RGS22: variants seen among roughly 807,000 people sequenced by gnomAD.
RGS22 encodes regulator of G protein signaling 22.
RGS22 carries 148 observed loss-of-function variants against 172.9 expected under a neutral mutation model. That is an observed-to-expected ratio of 0.86 (90% CI 0.75 to 0.98). The LOEUF is 0.98. RGS22 is among the 50% of genes least tolerant of loss of function. The probability of loss-of-function intolerance (pLI) is 0.00; values close to 1 mark genes in which losing one functional copy is unlikely to be tolerated. For missense variants in RGS22, 1,347 were observed against 1,440.8 expected (o/e 0.93, Z 1.05); for synonymous variants, 458 against 480.2 (o/e 0.95, Z 0.60).
intron 23 of RGS22, among the ~76,000 whole-genome samples, chr8:99,969,556 C>CAA (rs1204332291): frequency 6.8e-6 from 1 of 148,028 alleles, no homozygotes; most frequent in South Asian, 2.1e-4. Context: ...AAATGGAAAG[C>CAA]AAAAAAAAAG....
chr8:100,082,310 T>C (rs1363708056), intron 3 of RGS22, among the ~76,000 whole-genome samples: 1 of 152,172 alleles, frequency 6.6e-6, no homozygotes, highest in Non-Finnish European at 1.5e-5. Context: ...GGCATACAGA[T>C]AATTTTGTCA....
At chr8:100,013,950 A>T (rs1816686339) in intron 14 of RGS22, among the ~76,000 whole-genome samples, 2 of 152,212 alleles carry the variant, frequency 1.3e-5, no homozygotes, top group African/African-American at 4.8e-5. Context: ...AAAAAAACTT[A>T]GCTGCAATCA....
intron 13 of RGS22, 23 bp from the exon 14 acceptor site, chr8:100,039,055 A>G (rs1434794949): frequency 6.8e-6 from 9 of 1,328,316 alleles, no homozygotes; most frequent in Non-Finnish European, 9.6e-6. Flanking sequence ...AAAGTACATA[A>G]ATTATTACCA....
intron 2 of RGS22, among the ~76,000 whole-genome samples, chr8:100,103,291 T>G (rs1813647501): frequency 6.6e-6 from 1 of 152,166 alleles, no homozygotes. Flanking sequence ...TCAGTTAGGA[T>G]TACTACCAAA....
At position 99,996,503 on chromosome 8, in the gene RGS22, G is replaced by A. The variant is rs1226232639; in HGVS notation, c.2977C>T (p.Leu993Phe). ...TTCTTTTCAGCCTTCTGTAGTAAGA[G>A]CTCTTCTGCTATGTCTTTCATCTGT... ...KVQMKDIAEE[L>F]LLQKAEKKIG... The change falls in exon 20 of 28, where the codon CTC becomes TTC. Residue 993 changes from leucine (L) to phenylalanine (F), a missense_variant. Physicochemically the swap from Leu to Phe is conservative, Grantham distance 22 (BLOSUM62 0). Transcript: ENST00000360863. 9.9e-6 allele frequency: 16 copies of A among 1,613,294 alleles called. No individual in the cohort carries two copies. Among genetic ancestry groups the A allele is most frequent in the Non-Finnish European group, 1.4e-5 (16 of 1,179,572 alleles).
At chr8:99,993,850 G>T (rs553574486) in intron 20 of RGS22, among the ~76,000 whole-genome samples, 6 of 152,104 alleles carry the variant, frequency 3.9e-5, no homozygotes, top group Non-Finnish European at 5.9e-5. Flanking sequence ...GACAAACATC[G>T]ATGCGAAAAT....
chr8:99,981,762 A>C (rs1394962829), intron 22 of RGS22, among the ~76,000 whole-genome samples, 175 bp downstream of exon 22: 1 of 125,314 alleles, frequency 8.0e-6, no homozygotes, highest in Middle Eastern at 5.1e-3. Flanking sequence ...GGGTTTCACT[A>C]TGTTGCCCAG....
intron 14 of RGS22, among the ~76,000 whole-genome samples, chr8:100,016,410 A>G (rs1241877332): frequency 6.6e-6 from 1 of 151,914 alleles, no homozygotes; most frequent in Non-Finnish European, 1.5e-5. Context: ...TTATTGAATT[A>G]TTGTCACCCA....
intron 20 of RGS22, among the ~76,000 whole-genome samples, chr8:99,994,066 C>T (rs180989611): frequency 3.9e-5 from 6 of 152,084 alleles, no homozygotes; most frequent in African/African-American, 1.4e-4. Flanking sequence ...ATTCAGCAAC[C>T]CTTCATGCTA....
At chr8:100,002,877 T>C (rs1468931249) in intron 17 of RGS22, 1 of 155,118 alleles carries the variant, frequency 6.4e-6, no homozygotes. Flanking sequence ...CTGGCCAACA[T>C]GGCAAAATCC....
At chr8:100,022,202 A>G (rs990767919) in intron 14 of RGS22, among the ~76,000 whole-genome samples, 1 of 151,964 alleles carries the variant, frequency 6.6e-6, no homozygotes, top group Admixed American at 6.6e-5. Flanking sequence ...CTTGATACCA[A>G]GAGGCAAACT....
intron 14 of RGS22, among the ~76,000 whole-genome samples, chr8:100,033,914 GC>G (rs889661490): frequency 6.6e-6 from 1 of 152,058 alleles, no homozygotes; most frequent in African/African-American, 2.4e-5. Context: ...AAATTCAACA[GC>G]CATTCATGCT....
At chr8:100,080,565 GAGTA>G (rs1297657438) in intron 3 of RGS22, 1 of 523,114 alleles carries the variant, frequency 1.9e-6, no homozygotes, top group Non-Finnish European at 3.4e-6. Context: ...CTTATGCCAC[GAGTA>G]AGTGTCAGGG....
intron 14 of RGS22, among the ~76,000 whole-genome samples, chr8:100,031,635 AT>A (rs1334992794): frequency 2.6e-5 from 4 of 151,850 alleles, no homozygotes; most frequent in Admixed American, 6.6e-5. Flanking sequence ...ACTTATTTTT[AT>A]TTAAATATCA....
At position 100,066,184 on chromosome 8, in the gene RGS22, G is replaced by C. The variant is rs1386397985; in HGVS notation, c.707C>G (p.Ala236Gly). 6.2e-7 allele frequency: 1 copy of C among 1,612,560 alleles called. No homozygotes were observed. Among genetic ancestry groups the C allele is most frequent in the Non-Finnish European group, 8.5e-7 (1 of 1,179,160 alleles). Residue 236 changes from alanine (A) to glycine (G), a missense_variant, in exon 7 of 28, where the codon GCT becomes GGT. Transcript: ENST00000360863. ...CVPYNKLKSP[A>G]ISSVSENFIF... ...CTGCTTACCAGAAACAGATGAAATA[G>C]CTGGTGATTTAAGTTTGTTGTAGGG...
intron 20 of RGS22, 88 bp downstream of exon 20, chr8:99,996,374 G>A: frequency 1.9e-6 from 2 of 1,078,784 alleles, no homozygotes; most frequent in Admixed American, 1.8e-5. Flanking sequence ...TGTCCTCAGT[G>A]AGGATTTTTG....
intron 14 of RGS22, among the ~76,000 whole-genome samples, chr8:100,013,302 T>A (rs1243066750): frequency 6.6e-6 from 1 of 152,110 alleles, no homozygotes; most frequent in Non-Finnish European, 1.5e-5. Flanking sequence ...TTTCTTTTTT[T>A]AAATGAGAAC....
intron 23 of RGS22, among the ~76,000 whole-genome samples, chr8:99,977,696 C>T (rs371009461): frequency 1.3e-5 from 2 of 152,050 alleles, no homozygotes; most frequent in African/African-American, 4.8e-5. Flanking sequence ...GCTTGCGTTG[C>T]CACAGAGAGT....
chr8:99,968,149 T>C (rs1337113322), intron 23 of RGS22, among the ~76,000 whole-genome samples: 2 of 152,066 alleles, frequency 1.3e-5, no homozygotes, highest in Non-Finnish European at 2.9e-5. Flanking sequence ...GGCCTGACTG[T>C]TGAAGTAAAA....
Sources: allele counts gnomAD v4.1 joint callset (sites outside exome capture counted in the v4.1 genomes callset), GRCh38; gene constraint gnomAD v4.1.1; transcripts MANE v1.5; gene names NCBI Gene and HGNC (gene_info 2026-07-23, HGNC 2026-07-21).